The following DIAPH2 variants were observed in gnomAD, a reference collection of about 807,000 sequenced individuals.
DIAPH2 encodes diaphanous related formin 2.
In DIAPH2, 35 loss-of-function variants were observed where a neutral mutation model predicts 92.7. That is an observed-to-expected ratio of 0.38 (90% CI 0.29 to 0.50). The LOEUF (loss-of-function observed/expected upper bound fraction) is 0.50. DIAPH2 is among the 20% of genes least tolerant of loss of function. DIAPH2 has a pLI of 0.94. For missense variants in DIAPH2, 701 were observed against 819.5 expected, an observed-to-expected ratio of 0.86 and a Z score of 1.77; for synonymous variants, 301 against 280.4, an observed-to-expected ratio of 1.07 and a Z score of -0.73.
intron 19 of DIAPH2, among the ~76,000 whole-genome samples, chrX:97,093,408 A>C (rs188756555): frequency 3.8e-4 from 42 of 111,134 alleles, no homozygotes; most frequent in African/African-American, 1.2e-3. Flanking sequence ...TTCGGCCTGG[A>C]GTTGGGGAAT....
rs535640290 is a variant in DIAPH2 at position 97,118,554 on chromosome X, A to G, written c.2589+3589A>G. Among the ~76,000 whole-genome samples, 7 of 112,092 alleles carry G rather than the reference A, an allele frequency of 6.2e-5. No individual in the cohort carries two copies. The South Asian group carries it at 1.5e-3, about 24-fold the overall frequency. ...ACAAAATAAAACAGATGATCTATTC[A>G]TCAGAGGCCTACCAACAATAGAGAA... On this transcript the variant is annotated intron_variant, in intron 21 of 26. Coordinates refer to ENST00000324765, the MANE Select transcript of DIAPH2 (RefSeq NM_006729.5).
intron 25 of DIAPH2, among the ~76,000 whole-genome samples, chrX:97,411,305 G>A (rs1263915544): frequency 8.9e-6 from 1 of 111,774 alleles, no homozygotes; most frequent in East Asian, 2.8e-4. Context: ...GCCAAACTAA[G>A]CTTCATAAGT....
intron 23 of DIAPH2, among the ~76,000 whole-genome samples, chrX:97,301,986 G>A (rs1427595700): frequency 5.5e-5 from 6 of 109,765 alleles, no homozygotes; most frequent in East Asian, 2.8e-4. Flanking sequence ...AGGCCGAGGC[G>A]GGCAGATCAC....
chrX:97,483,213 A>C (rs761855209), intron 26 of DIAPH2, among the ~76,000 whole-genome samples: 2 of 110,353 alleles, frequency 1.8e-5, no homozygotes, highest in Non-Finnish European at 3.8e-5. Context: ...GGAGAAAAAG[A>C]AAACAATAAT....
intron 26 of DIAPH2, among the ~76,000 whole-genome samples, chrX:97,526,516 A>G (rs148029312): frequency 1.3e-3 from 145 of 111,012 alleles, no homozygotes; most frequent in African/African-American, 4.4e-3. Context: ...ACAAAAGGTA[A>G]GAATAGACAT....
chrX:96,791,235 G>T (rs1569396198), intron 4 of DIAPH2, among the ~76,000 whole-genome samples: 2 of 111,754 alleles, frequency 1.8e-5, no homozygotes, highest in African/African-American at 3.3e-5. Flanking sequence ...GTAAAGTTTG[G>T]AGCATGTTTT....
intron 4 of DIAPH2, 137 bp from the exon 5 acceptor site, chrX:96,881,442 A>T: frequency 2.0e-6 from 1 of 489,127 alleles, no homozygotes; most frequent in Non-Finnish European, 3.2e-6. Flanking sequence ...TTACTATATC[A>T]ATTCTGTGAT....
intron 23 of DIAPH2, among the ~76,000 whole-genome samples, chrX:97,312,506 C>T (rs764287019): frequency 7.6e-4 from 82 of 108,483 alleles, no homozygotes; most frequent in African/African-American, 2.6e-3. Flanking sequence ...CCTGCCACCA[C>T]GCCCGGCTAA....
intron 25 of DIAPH2, among the ~76,000 whole-genome samples, chrX:97,392,607 A>C: frequency 9.0e-6 from 1 of 111,720 alleles, no homozygotes; most frequent in Non-Finnish European, 1.9e-5. Context: ...AGGTGAAACT[A>C]TCCAAGTAAA....
chrX:97,309,132 G>C (rs773655369), intron 23 of DIAPH2, among the ~76,000 whole-genome samples: 1 of 108,264 alleles, frequency 9.2e-6, no homozygotes, highest in Non-Finnish European at 1.9e-5. Context: ...ACGGAGTCTC[G>C]CTGTGTCATC....
intron 22 of DIAPH2, among the ~76,000 whole-genome samples, chrX:97,184,927 A>G (rs1461418861): frequency 9.1e-6 from 1 of 109,596 alleles, no homozygotes; most frequent in African/African-American, 3.3e-5. Flanking sequence ...TGAGAGGTAA[A>G]TGTCCAATGA....
intron 23 of DIAPH2, among the ~76,000 whole-genome samples, chrX:97,321,234 G>T (rs1010559766): frequency 2.7e-5 from 3 of 110,787 alleles, no homozygotes; most frequent in Non-Finnish European, 5.7e-5. Context: ...TTATAACACG[G>T]CTCATTTTCA....
At chrX:97,132,241 A>C in intron 21 of DIAPH2, among the ~76,000 whole-genome samples, 1 of 111,423 alleles carries the variant, frequency 9.0e-6, no homozygotes, top group Non-Finnish European at 1.9e-5. Flanking sequence ...TATAATACCA[A>C]ACTAAAGGGT....
intron 21 of DIAPH2, among the ~76,000 whole-genome samples, chrX:97,129,117 T>TTTTCTTTTCTTTTCTTTTCTTTTC: frequency 1.2e-5 from 1 of 80,142 alleles, no homozygotes; most frequent in African/African-American, 5.5e-5. Flanking sequence ...TTTTCTTTTC[T>TTTTCTTTTCTTTTCTTTTCTTTTC]TTTCTTTTCT....
intron 20 of DIAPH2, 86 bp from the exon 21 acceptor site, chrX:97,114,640 G>C (rs1048108709): frequency 8.2e-6 from 7 of 848,608 alleles, no homozygotes; most frequent in South Asian, 4.7e-5. Flanking sequence ...AAATGTTACA[G>C]TGTTGTCTAT....
chrX:97,217,289 A>C (rs2067890994), intron 22 of DIAPH2, among the ~76,000 whole-genome samples: 1 of 111,656 alleles, frequency 9.0e-6, no homozygotes, highest in Non-Finnish European at 1.9e-5. Flanking sequence ...CGAATGGGAA[A>C]GATTGGTAGT....
At chrX:97,471,031 A>G (rs1167552300) in intron 26 of DIAPH2, among the ~76,000 whole-genome samples, 1 of 111,825 alleles carries the variant, frequency 8.9e-6, no homozygotes, top group Non-Finnish European at 1.9e-5. Flanking sequence ...TAGAAAATGG[A>G]GGTGTCGCTA....
intron 4 of DIAPH2, among the ~76,000 whole-genome samples, chrX:96,821,639 AT>A (rs752650044): frequency 1.2e-4 from 13 of 111,846 alleles, no homozygotes; most frequent in Admixed American, 8.6e-4. Flanking sequence ...TTGATAATGA[AT>A]TTTTTTTGTT....
intron 22 of DIAPH2, among the ~76,000 whole-genome samples, chrX:97,222,017 A>G (rs1322184307): frequency 8.9e-6 from 1 of 111,753 alleles, no homozygotes; most frequent in Non-Finnish European, 1.9e-5. Flanking sequence ...AGATAAAGTT[A>G]TTCCAATGGT....
Sources: allele counts gnomAD v4.1 joint callset (sites outside exome capture counted in the v4.1 genomes callset), GRCh38; gene constraint gnomAD v4.1.1; transcripts MANE v1.5; gene names NCBI Gene and HGNC (gene_info 2026-07-23, HGNC 2026-07-21).